Variants in CSMD1 observed in about 807,000 individuals in gnomAD.
The protein encoded by CSMD1 is CUB and sushi domain-containing protein 1.
CSMD1 carries 213 observed loss-of-function variants against 417.5 expected under a neutral mutation model. The ratio of observed to expected loss-of-function variants is 0.51; its 90% CI spans 0.46 to 0.57. CSMD1 has a LOEUF of 0.57. Ranked by LOEUF, CSMD1 falls within the 20% of genes least tolerant of loss-of-function variation. The pLI, the probability that CSMD1 is intolerant of heterozygous loss-of-function variation, is 0.00. For missense variants in CSMD1, 6,923 were observed against 4,529.7 expected (o/e 1.53, Z -15.17); for synonymous variants, 2,862 against 1,736.8 (o/e 1.65, Z -16.11).
chr8:4,303,961 C>T (rs938654770), intron 3 of CSMD1, among the ~76,000 whole-genome samples: 2 of 152,168 alleles, frequency 1.3e-5, no homozygotes, highest in Non-Finnish European at 2.9e-5. Context: ...ACTTTTCCCT[C>T]TTCCTTTTGC....
intron 6 of CSMD1, among the ~76,000 whole-genome samples, chr8:3,741,343 G>C (rs771013986): frequency 1.3e-5 from 2 of 151,606 alleles, no homozygotes; most frequent in African/African-American, 2.4e-5. Context: ...CTTTCAAGAA[G>C]TTTGACAGTG....
chr8:4,563,303 A>T (rs1452207157), intron 2 of CSMD1, among the ~76,000 whole-genome samples: 4 of 152,178 alleles, frequency 2.6e-5, no homozygotes, highest in African/African-American at 9.7e-5. Context: ...TGGGAGGCTG[A>T]AGCAGGAGAA....
intron 26 of CSMD1, among the ~76,000 whole-genome samples, chr8:3,274,665 C>A (rs1802138661): frequency 1.3e-5 from 2 of 152,050 alleles, no homozygotes; most frequent in Non-Finnish European, 2.9e-5. Context: ...TTGAATTGAT[C>A]CCTTTACCAT....
chr8:4,733,888 G>C (rs975650568), intron 1 of CSMD1, among the ~76,000 whole-genome samples: 2 of 152,106 alleles, frequency 1.3e-5, no homozygotes, highest in African/African-American at 4.8e-5. Flanking sequence ...GACCTGGGTA[G>C]CTTTTTGAAT....
At chr8:3,289,586 G>T (rs1333993481) in intron 25 of CSMD1, among the ~76,000 whole-genome samples, 3 of 38,574 alleles carry the variant, frequency 7.8e-5, no homozygotes, top group Admixed American at 2.7e-4. Flanking sequence ...GTGATGATGA[G>T]CATTTTTTCA....
At chr8:3,733,794 T>C (rs1457146511) in intron 6 of CSMD1, among the ~76,000 whole-genome samples, 1 of 152,198 alleles carries the variant, frequency 6.6e-6, no homozygotes, top group Non-Finnish European at 1.5e-5. Flanking sequence ...GGTGGATACT[T>C]GCATACTGTT....
chr8:3,021,984 C>CATCCAG (rs1194116989), intron 51 of CSMD1, among the ~76,000 whole-genome samples: 6 of 150,452 alleles, frequency 4.0e-5, no homozygotes, highest in African/African-American at 7.4e-5. Flanking sequence ...TGCAATCCCA[C>CATCCAG]AGCATCAGGA....
chr8:3,575,977 G>A (rs907328346), intron 9 of CSMD1, among the ~76,000 whole-genome samples: 3 of 150,104 alleles, frequency 2.0e-5, no homozygotes, highest in South Asian at 4.2e-4. Flanking sequence ...AGAAATTAAT[G>A]TAAGAGAACT....
At chr8:4,596,523 G>C (rs531368738) in intron 2 of CSMD1, among the ~76,000 whole-genome samples, 42 of 151,772 alleles carry the variant, frequency 2.8e-4, no homozygotes, top group Non-Finnish European at 4.9e-4. Flanking sequence ...TTCCTTAACA[G>C]TATTTTCTCA....
At chr8:3,824,867 G>C (rs191993627) in intron 5 of CSMD1, among the ~76,000 whole-genome samples, 6 of 152,074 alleles carry the variant, frequency 3.9e-5, no homozygotes, top group African/African-American at 1.4e-4. Context: ...ATTAAAACCT[G>C]ACACAGGCTT....
At chr8:3,505,909 T>A (rs1052238276) in intron 10 of CSMD1, among the ~76,000 whole-genome samples, 1 of 152,172 alleles carries the variant, frequency 6.6e-6, no homozygotes, top group Non-Finnish European at 1.5e-5. Context: ...CTTAAGGAGG[T>A]TCTTTACAAA....
intron 69 of CSMD1, 142 bp downstream of exon 69, chr8:2,942,330 T>G: frequency 1.3e-6 from 1 of 787,794 alleles, no homozygotes; most frequent in Non-Finnish European, 1.9e-6. Context: ...GAACTCAAAA[T>G]AAAAGTTGAT....
At chr8:4,010,962 C>T (rs1349075403) in intron 4 of CSMD1, among the ~76,000 whole-genome samples, 1 of 152,186 alleles carries the variant, frequency 6.6e-6, no homozygotes, top group African/African-American at 2.4e-5. Context: ...AGCAATCCCG[C>T]TTCACTTTCT....
intron 18 of CSMD1, among the ~76,000 whole-genome samples, chr8:3,376,394 A>G (rs1810303900): frequency 6.6e-6 from 1 of 152,034 alleles, no homozygotes; most frequent in South Asian, 2.1e-4. Context: ...GGTGACACAG[A>G]CTTGTTTTTA....
intron 1 of CSMD1, among the ~76,000 whole-genome samples, chr8:4,858,366 G>T (rs1311203793): frequency 6.6e-6 from 1 of 151,630 alleles, no homozygotes; most frequent in Admixed American, 6.6e-5. Context: ...AGACAGGGAT[G>T]CCCTCTCTCA....
At chr8:4,131,218 A>G (rs927792708) in intron 3 of CSMD1, among the ~76,000 whole-genome samples, 1 of 152,216 alleles carries the variant, frequency 6.6e-6, no homozygotes, top group Admixed American at 6.5e-5. Context: ...CCATTTCTAT[A>G]AGTATACGGC....
At chr8:3,348,953 A>T (rs976418881) in intron 21 of CSMD1, among the ~76,000 whole-genome samples, 2 of 152,216 alleles carry the variant, frequency 1.3e-5, no homozygotes, top group Non-Finnish European at 2.9e-5. Flanking sequence ...TAAGTCCAAT[A>T]CGATCACAGA....
At chr8:3,204,762 C>A (rs557419144) in intron 31 of CSMD1, among the ~76,000 whole-genome samples, 1 of 152,158 alleles carries the variant, frequency 6.6e-6, no homozygotes, top group African/African-American at 2.4e-5. Flanking sequence ...AAATAAAAAC[C>A]TTGACTATGT....
In CSMD1 at chr8:4,359,904, A is replaced by G. The variant is rs571775663; in HGVS notation, c.415+60049T>C. Among the ~76,000 whole-genome samples the G allele has an allele frequency of 1.6e-3, 251 of 152,278 alleles. 1 individual carries two copies. The highest frequency in any genetic ancestry group is 5.9e-3 in the African/African-American group (245 of 41,560). ...TCTAAACAGCCCCTACCTTTTAACCACAGTTTAAAACATCAACGTTCAGTG... is the reference window on the plus strand; with the variant it reads ...TCTAAACAGCCCCTACCTTTTAACCGCAGTTTAAAACATCAACGTTCAGTG... On this transcript the variant is annotated intron_variant, in intron 3 of 69. Coordinates refer to ENST00000635120, the MANE Select transcript of CSMD1 (RefSeq NM_033225.6).
Sources: gnomAD v4.1 joint callset for allele counts (sites outside exome capture counted in the v4.1 genomes callset) on GRCh38, gnomAD v4.1.1 for gene constraint, MANE v1.5 for transcripts, NCBI Gene and HGNC (gene_info 2026-07-23, HGNC 2026-07-21) for gene names.